TBC1D9: variants seen among roughly 807,000 people sequenced by gnomAD.
TBC1D9 encodes the protein TBC1 domain family member 9, also known as TBC1 domain family member 9A.
A neutral mutation model predicts 132.0 loss-of-function variants in TBC1D9; 63 were observed. That is an observed-to-expected ratio of 0.48 (90% CI 0.39 to 0.59). TBC1D9 has a LOEUF of 0.59. Ranked by LOEUF, TBC1D9 falls within the 20% of genes least tolerant of loss-of-function variation. The pLI is 0.00. For missense variants in TBC1D9, 1,261 were observed against 1,592.7 expected, an observed-to-expected ratio of 0.79 and a Z score of 3.54; for synonymous variants, 610 against 609.9, an observed-to-expected ratio of 1.00 and a Z score of 0.00.
intron 16 of TBC1D9, among the ~76,000 whole-genome samples, chr4:140,628,700 C>T (rs1736745788): frequency 6.6e-6 from 1 of 152,140 alleles, no homozygotes; most frequent in African/African-American, 2.4e-5. Flanking sequence ...TATAAAGCAC[C>T]TAGAATAGTG....
chr4:140,747,744 C>T (rs1183798000), intron 1 of TBC1D9, among the ~76,000 whole-genome samples: 1 of 152,048 alleles, frequency 6.6e-6, no homozygotes, highest in Admixed American at 6.6e-5. Flanking sequence ...CTGGGGGGAC[C>T]AGGATAGGAG....
chr4:140,734,543 G>A (rs1372610909), intron 1 of TBC1D9, among the ~76,000 whole-genome samples: 1 of 152,194 alleles, frequency 6.6e-6, no homozygotes, highest in Non-Finnish European at 1.5e-5. Flanking sequence ...TATAATCCCA[G>A]TGCTTTGGAA....
At chr4:140,713,877 T>A (rs1331279854) in intron 1 of TBC1D9, among the ~76,000 whole-genome samples, 1 of 152,216 alleles carries the variant, frequency 6.6e-6, no homozygotes, top group African/African-American at 2.4e-5. Flanking sequence ...ACTAGGTTGG[T>A]GCAAAAGTAA....
intron 1 of TBC1D9, among the ~76,000 whole-genome samples, chr4:140,709,242 TCTCTCTCA>T (rs1160741551): frequency 3.8e-4 from 41 of 106,854 alleles, no homozygotes; most frequent in African/African-American, 1.7e-3. Flanking sequence ...TCTCTCTCTC[TCTCTCTCA>T]CACACACACA....
At position 140,738,875 on chromosome 4, in the gene TBC1D9, T is replaced by A. The variant is rs142531849; in HGVS notation, c.130+17041A>T. On this transcript the variant is annotated intron_variant, in intron 1 of 20. Coordinates refer to ENST00000442267, the MANE Select transcript of TBC1D9 (RefSeq NM_015130.3). ...GAGAAAATCCACATAGTTTTCACAC[T>A]TCCCCCTGGCATACAGTTATATAAC... 3.8e-3 allele frequency among the ~76,000 whole-genome samples: 574 copies of A among 152,308 alleles called. 4 individuals are homozygous for A. Among genetic ancestry groups the A allele is most frequent in the African/African-American group, 0.011 (477 of 41,552 alleles).
intron 18 of TBC1D9, among the ~76,000 whole-genome samples, chr4:140,625,288 T>TA (rs1347826571): frequency 6.6e-6 from 1 of 152,212 alleles, no homozygotes; most frequent in Non-Finnish European, 1.5e-5. Context: ...GCTAAAATGT[T>TA]ACATGCTATA....
At chr4:140,657,943 T>C in intron 11 of TBC1D9, 131 bp from the exon 12 acceptor site, 1 of 1,040,172 alleles carries the variant, frequency 9.6e-7, no homozygotes, top group East Asian at 2.4e-5. Flanking sequence ...CTGTGACTGT[T>C]ACTAGACCAA....
intron 3 of TBC1D9, among the ~76,000 whole-genome samples, chr4:140,683,899 T>G (rs1737742763): frequency 6.6e-6 from 1 of 152,214 alleles, no homozygotes; most frequent in Non-Finnish European, 1.5e-5. Context: ...AGTTACACTG[T>G]TTGAACAAAA....
intron 1 of TBC1D9, among the ~76,000 whole-genome samples, chr4:140,714,459 G>A: frequency 6.6e-6 from 1 of 152,172 alleles, no homozygotes; most frequent in East Asian, 1.9e-4. Flanking sequence ...TGAAAGTTAT[G>A]ATCTAAAGAC....
intron 1 of TBC1D9, among the ~76,000 whole-genome samples, chr4:140,739,378 G>A (rs1375434416): frequency 6.6e-6 from 1 of 152,098 alleles, no homozygotes; most frequent in Non-Finnish European, 1.5e-5. Flanking sequence ...CCCTCCTTTT[G>A]TAAAAATAAT....
intron 2 of TBC1D9, 80 bp downstream of exon 2, chr4:140,701,424 C>A (rs1053919250): frequency 3.8e-6 from 4 of 1,041,574 alleles, no homozygotes; most frequent in Non-Finnish European, 5.8e-6. Context: ...AGCAAGTACA[C>A]GTTCCTTTCC....
chr4:140,647,945 T>A (rs1291321683), intron 13 of TBC1D9, among the ~76,000 whole-genome samples: 1 of 152,120 alleles, frequency 6.6e-6, no homozygotes, highest in African/African-American at 2.4e-5. Flanking sequence ...CTCCCCCGAC[T>A]TTGGGAGGGG....
At chr4:140,724,920 C>T (rs1282242103) in intron 1 of TBC1D9, among the ~76,000 whole-genome samples, 1 of 152,094 alleles carries the variant, frequency 6.6e-6, no homozygotes, top group Non-Finnish European at 1.5e-5. Flanking sequence ...TTCTGTTTTG[C>T]AAGACTGGGA....
intron 3 of TBC1D9, among the ~76,000 whole-genome samples, chr4:140,680,557 G>C (rs1353797395): frequency 6.6e-6 from 1 of 152,088 alleles, no homozygotes; most frequent in Non-Finnish European, 1.5e-5. Context: ...GATGGAAAAT[G>C]CTCCCTTGAA....
At chr4:140,686,531 T>A in intron 2 of TBC1D9, 69 bp from the exon 3 acceptor site, 1 of 1,006,852 alleles carries the variant, frequency 9.9e-7, no homozygotes, top group South Asian at 1.4e-5. Flanking sequence ...CAGGCTCACT[T>A]TTTCATTATA....
intron 2 of TBC1D9, among the ~76,000 whole-genome samples, chr4:140,691,183 C>A (rs1737873916): frequency 6.6e-6 from 1 of 152,108 alleles, no homozygotes; most frequent in Non-Finnish European, 1.5e-5. Flanking sequence ...GTAAAAAATA[C>A]TTCTGGAAGC....
At chr4:140,729,195 G>A (rs1047665853) in intron 1 of TBC1D9, among the ~76,000 whole-genome samples, 2 of 152,076 alleles carry the variant, frequency 1.3e-5, no homozygotes, top group African/African-American at 4.8e-5. Flanking sequence ...ACGACAGGAT[G>A]AAACCACCTC....
intron 1 of TBC1D9, among the ~76,000 whole-genome samples, chr4:140,749,569 T>A (rs1003732739): frequency 5.3e-5 from 8 of 152,156 alleles, no homozygotes; most frequent in Non-Finnish European, 1.2e-4. Flanking sequence ...ACACTTGTAA[T>A]TCCAGCACTT....
chr4:140,670,885 G>A lies in TBC1D9; in HGVS notation c.1101C>T (p.Pro367=). The A allele has an allele frequency of 6.2e-7, 1 of 1,614,020 alleles. No individual in the cohort carries two copies. ...TTCGGGTGCTGATGGATAAGGGACT[G>A]GGGAGCACACTGGAGCTGTCTGCCT... ...VEKADSSSVL[P]SPLSISTRNR... Residue 367 remains proline, a synonymous_variant, in exon 7 of 21, where the codon CCC becomes CCT. Coordinates refer to ENST00000442267, the MANE Select transcript of TBC1D9 (RefSeq NM_015130.3).
Sources: allele counts gnomAD v4.1 joint callset (sites outside exome capture counted in the v4.1 genomes callset), GRCh38; gene constraint gnomAD v4.1.1; transcripts MANE v1.5; gene names NCBI Gene and HGNC (gene_info 2026-07-23, HGNC 2026-07-21).